Variants in LEMD2 observed in about 807,000 individuals in gnomAD.
LEMD2 encodes the protein LEM domain-containing protein 2.
A neutral mutation model predicts 58.8 loss-of-function variants in LEMD2; 34 were observed. That is an observed-to-expected ratio of 0.58 (90% CI 0.44 to 0.77). The LOEUF (loss-of-function observed/expected upper bound fraction) is 0.77. Ranked by LOEUF, LEMD2 falls within the 30% of genes least tolerant of loss-of-function variation. The pLI is 0.00. For missense variants in LEMD2, 629 were observed against 717.9 expected (o/e 0.88, Z 1.42); for synonymous variants, 298 against 308.9 (o/e 0.96, Z 0.37).
intron 3 of LEMD2, 70 bp from the exon 4 acceptor site, chr6:33,781,223 A>G: frequency 1.0e-6 from 1 of 1,000,162 alleles, no homozygotes; most frequent in East Asian, 2.4e-5. Flanking sequence ...TAAAAAATGC[A>G]GCAAGAATCA....
chr6:33,777,372 A>C (rs1767455923), intron 6 of LEMD2, 133 bp from the exon 7 acceptor site: 1 of 726,274 alleles, frequency 1.4e-6, no homozygotes, highest in African/African-American at 1.7e-5. Flanking sequence ...TGTCAGGCTC[A>C]GGGCCAGCAT....
chr6:33,772,260 C>T lies in LEMD2; in HGVS notation c.*368G>A, dbSNP rs1767316950. On this transcript the variant is annotated 3_prime_UTR_variant, in exon 9 of 9. Coordinates refer to ENST00000293760, the MANE Select transcript of LEMD2 (RefSeq NM_181336.4). Reference sequence around the variant, plus strand: ...CGAAACACCATCCCTGCCCCACCTCCCAGGTGACAGACTCCCTGGCGTGGC... The same window carrying T: ...CGAAACACCATCCCTGCCCCACCTCTCAGGTGACAGACTCCCTGGCGTGGC... 5.6e-6 allele frequency: 1 copy of T among 177,478 alleles called. No homozygotes were observed. The allele number at this position is 177,478 out of a possible 1,614,324, so 11.0% of individuals were successfully genotyped here. A position where few individuals can be genotyped will look rare whatever the true frequency, so the allele number is the denominator to read the frequency against.
At chr6:33,779,084 A>C (rs1767506194) in intron 5 of LEMD2, 1 of 152,132 alleles carries the variant, frequency 6.6e-6, no homozygotes, top group Non-Finnish European at 1.5e-5. Flanking sequence ...ACCCACTTTC[A>C]ATATGGTCAT....
At chr6:33,782,474 G>T (rs1767586483) in intron 3 of LEMD2, among the ~76,000 whole-genome samples, 1 of 152,174 alleles carries the variant, frequency 6.6e-6, no homozygotes, top group Non-Finnish European at 1.5e-5. Flanking sequence ...CTTCCTCCAT[G>T]AAGGTGCTGC....
intron 6 of LEMD2, among the ~76,000 whole-genome samples, chr6:33,777,696 T>C (rs1767468146): frequency 6.6e-6 from 1 of 152,154 alleles, no homozygotes; most frequent in African/African-American, 2.4e-5. Context: ...TGGAAAGCCG[T>C]GGTTTCTGTG....
Position 33,778,695 on chromosome 6 carries a change from C to G in LEMD2, c.1011-308G>C, listed in dbSNP as rs1173058220. The G allele has an allele frequency of 1.5e-5, 4 of 260,374 alleles. No individual in the cohort carries two copies. Among genetic ancestry groups the G allele is most frequent in the East Asian group, 6.8e-5 (1 of 14,788 alleles). 16.1% of individuals were successfully genotyped at this position (260,374 alleles called of 1,614,324 possible). A position where few individuals can be genotyped will look rare whatever the true frequency, so the allele number is the denominator to read the frequency against. On this transcript the variant is annotated intron_variant, in intron 5 of 8. Coordinates refer to ENST00000293760, the MANE Select transcript of LEMD2 (RefSeq NM_181336.4). The surrounding 1 kb of genome is among the most constrained non-coding windows in gnomAD (Gnocchi z 4.7). ...AACTGTAAATTGGATTCCCACCTCCCAGCATAGAGAAATGGAAATGTTTAC... is the reference window on the plus strand; with the variant it reads ...AACTGTAAATTGGATTCCCACCTCCGAGCATAGAGAAATGGAAATGTTTAC...
At chr6:33,787,337 A>G (rs1288555375) in intron 1 of LEMD2, among the ~76,000 whole-genome samples, 1 of 111,336 alleles carries the variant, frequency 9.0e-6, no homozygotes, top group Non-Finnish European at 2.1e-5. Flanking sequence ...TCGACAAACT[A>G]TTCACATAGT....
intron 8 of LEMD2, among the ~76,000 whole-genome samples, chr6:33,773,515 T>G (rs1027685015): frequency 6.8e-6 from 1 of 147,986 alleles, no homozygotes; most frequent in Non-Finnish European, 1.5e-5. Flanking sequence ...ACACCACACG[T>G]GGAAAGACAG....
chr6:33,785,921 A>G (rs1450101785), intron 2 of LEMD2, among the ~76,000 whole-genome samples: 2 of 152,242 alleles, frequency 1.3e-5, no homozygotes, highest in Non-Finnish European at 2.9e-5. Flanking sequence ...ATGCCCCCTC[A>G]TTTACATGAG....
At chr6:33,776,659 G>A (rs977376229) in intron 8 of LEMD2, 1 of 431,500 alleles carries the variant, frequency 2.3e-6, no homozygotes. Flanking sequence ...TGTGCCCTGG[G>A]GGAGGGAGCT....
chr6:33,777,094 C>T, intron 7 of LEMD2, 38 bp from the exon 8 acceptor site: 2 of 1,611,512 alleles, frequency 1.2e-6, no homozygotes, highest in Non-Finnish European at 1.7e-6. Context: ...CAAGGACCCT[C>T]TGGCTGGCGT....
chr6:33,773,188 T>G (rs1277200813), intron 8 of LEMD2, among the ~76,000 whole-genome samples: 1 of 152,132 alleles, frequency 6.6e-6, no homozygotes, highest in East Asian at 1.9e-4. Context: ...CTGGGCTGTT[T>G]CATCTAAGCT....
chr6:33,773,594 C>CGG (rs10660361), intron 8 of LEMD2, among the ~76,000 whole-genome samples: 46,189 of 137,914 alleles, frequency 0.33, 7,997 homozygotes, highest in East Asian at 0.72. Context: ...AGTCAGGAGG[C>CGG]GGGGGGGGGG....
At chr6:33,788,080 A>T (rs1471893588) in intron 1 of LEMD2, among the ~76,000 whole-genome samples, 1 of 152,248 alleles carries the variant, frequency 6.6e-6, no homozygotes, top group African/African-American at 2.4e-5. Flanking sequence ...CTTCCTCTCC[A>T]GGGAGAAAAC....
chr6:33,780,102 G>C lies in LEMD2; in HGVS notation c.1008C>G (p.Ile336Met). 2.5e-6 allele frequency: 4 copies of C among 1,588,164 alleles called. No homozygotes were observed. The highest frequency in any genetic ancestry group is 3.4e-6 in the Non-Finnish European group (4 of 1,165,870). Residue 336 changes from isoleucine (I) to methionine (M), a missense_variant and splice_region_variant, in exon 5 of 9, where the codon ATC becomes ATG. Transcript: ENST00000293760. ...GTCGCCACCCTGCCCACACTCACCA[G>C]ATGCCCACGTCCTTGTTACTGCTCA... ...WILSSNKDVG[I>M]WLKGEDQSEL...
chr6:33,785,375 C>A (rs1352698052), intron 2 of LEMD2, among the ~76,000 whole-genome samples: 1 of 152,184 alleles, frequency 6.6e-6, no homozygotes, highest in African/African-American at 2.4e-5. Flanking sequence ...TGAATGGTTA[C>A]AAATAGGGAT....
rs762853545 is a variant in LEMD2, at chr6:33,784,395, C to A, written c.810G>T (p.Leu270=). Residue 270 remains leucine (L), a synonymous_variant, in exon 3 of 9, where the codon CTG becomes CTT. Coordinates refer to ENST00000293760, the MANE Select transcript of LEMD2 (RefSeq NM_181336.4). Reference sequence around the variant, plus strand: ...AATTGTAGAGTTCATGCAGCAGCTCCAGCAAGGCTGCCTTCTGCTTGGCCT... The same window carrying A: ...AATTGTAGAGTTCATGCAGCAGCTCAAGCAAGGCTGCCTTCTGCTTGGCCT... ...FCQAKQKAAL[L]ELLHELYNFL... 6.8e-7 allele frequency: 1 copy of A among 1,465,296 alleles called. No homozygotes were observed. The highest frequency in any genetic ancestry group is 1.1e-5 in the South Asian group (1 of 89,076). 90.8% of individuals were successfully genotyped at this position (1,465,296 alleles called of 1,614,324 possible). A position where few individuals can be genotyped will look rare whatever the true frequency, so the allele number is the denominator to read the frequency against.
rs1342585285 is a variant in LEMD2 at position 33,772,369 on chromosome 6, T to C, written c.*259A>G. On this transcript the variant is annotated 3_prime_UTR_variant, in exon 9 of 9. Transcript: ENST00000293760. The stretch of plus-strand genomic sequence containing the variant: ...TTTTCTATTCATGAAAACTCAACCC[T>C]TCTCCCCGTTTCTGCCAGCACAACA... 8.6e-6 allele frequency: 3 copies of C among 347,558 alleles called. No individual in the cohort carries two copies. Among genetic ancestry groups the C allele is most frequent in the Middle Eastern group, 7.8e-4 (1 of 1,284 alleles). 21.5% of individuals were successfully genotyped at this position (347,558 alleles called of 1,614,324 possible). A position where few individuals can be genotyped will look rare whatever the true frequency, so the allele number is the denominator to read the frequency against.
rs368591066 is a variant in LEMD2 at position 33,786,740 on chromosome 6, T to C, written c.771A>G (p.Thr257=). 23 of 1,613,114 alleles carry C rather than the reference T, an allele frequency of 1.4e-5. No individual in the cohort carries two copies. In the African/African-American group the frequency reaches 2.8e-4, roughly 20 times the overall value. Residue 257 remains threonine (T), a synonymous_variant, in exon 2 of 9, where the codon ACA becomes ACG. Transcript: ENST00000293760. ...CAGAGAAACTCAAACTCACCTCATCTGTTTTTCTCTCACAGTCCACTGGCA... is the reference window on the plus strand; with the variant it reads ...CAGAGAAACTCAAACTCACCTCATCCGTTTTTCTCTCACAGTCCACTGGCA... The part of the protein sequence containing the change: ...KLLPVDCERK[T]DEFCQAKQKA...
Sources: allele counts gnomAD v4.1 joint callset (sites outside exome capture counted in the v4.1 genomes callset), GRCh38; gene constraint gnomAD v4.1.1; non-coding constraint Gnocchi (gnomAD v3.1); transcripts MANE v1.5; gene names NCBI Gene and HGNC (gene_info 2026-07-23, HGNC 2026-07-21).